Variants in NAV1 observed in about 807,000 individuals in gnomAD.
NAV1 encodes the protein pore membrane and/or filament interacting like protein 3.
NAV1 carries 18 observed loss-of-function variants against 175.2 expected under a neutral mutation model. The observed-to-expected ratio is 0.10, with a 90% CI of 0.07 to 0.15. The LOEUF (loss-of-function observed/expected upper bound fraction) is 0.15. Ranked by LOEUF, NAV1 falls within the 10% of genes least tolerant of loss-of-function variation. The probability of loss-of-function intolerance (pLI) is 1.00; values close to 1 mark genes in which losing one functional copy is unlikely to be tolerated. For missense variants in NAV1, 1,731 were observed against 2,436.6 expected (o/e 0.71, Z 6.10); for synonymous variants, 897 against 978.7 (o/e 0.92, Z 1.56).
At chr1:201,764,483 G>C (rs550716214) in intron 3 of NAV1, among the ~76,000 whole-genome samples, 1 of 152,146 alleles carries the variant, frequency 6.6e-6, no homozygotes, top group Non-Finnish European at 1.5e-5. Flanking sequence ...ATAAGGACAC[G>C]AGTCCTATCA....
At chr1:201,720,417 A>C (rs938718866) in intron 3 of NAV1, among the ~76,000 whole-genome samples, 2 of 152,170 alleles carry the variant, frequency 1.3e-5, no homozygotes, top group Admixed American at 1.3e-4. Context: ...AGATTGATGG[A>C]GGTGACGGGG....
chr1:201,824,894 C>T (rs568673514), exon 30 of NAV1: 5 of 152,252 alleles, frequency 3.3e-5, no homozygotes, highest in Admixed American at 1.3e-4. Flanking sequence ...CCCGGCAATC[C>T]ACGTTTTAAT....
Position 201,809,256 on chromosome 1 carries a change from A to C in NAV1, c.4300A>C (p.Lys1434Gln), listed in dbSNP as rs150314345. ...GAGGATGCCCCCGCAGCACATCATC[A>C]AAGGGGTAAGGAACTTCAGGGAGAG... Residue 1434 changes from lysine to glutamine, a missense_variant, in exon 21 of 30, where the codon AAA becomes CAA. Lys to Gln is a moderately conservative substitution (Grantham distance 53). Coordinates refer to ENST00000367296, the Ensembl canonical transcript of NAV1. The C allele has an allele frequency of 1.0e-4, 168 of 1,613,924 alleles. No homozygotes were observed. In the African/African-American group the frequency reaches 2.2e-3, roughly 21 times the overall value.
At chr1:201,696,349 T>A (rs1374395723) in intron 1 of NAV1, among the ~76,000 whole-genome samples, 2 of 152,210 alleles carry the variant, frequency 1.3e-5, no homozygotes, top group Non-Finnish European at 2.9e-5. Context: ...GCCATGGATC[T>A]TGGCAAGCAG....
chr1:201,549,181 T>C lies in NAV1; in HGVS notation c.-144+9839T>C, dbSNP rs148048495. The stretch of plus-strand genomic sequence containing the variant: ...CTCTCTTTCTTTCTTCCTTCTTTTC[T>C]TTCCTTCCTTCCTTCCTTCTTTCTT... On this transcript the variant is annotated intron_variant, in intron 1 of 33. Coordinates refer to the NAV1 transcript ENST00000685211. 9.1e-3 allele frequency among the ~76,000 whole-genome samples: 1,382 copies of C among 151,054 alleles called. 27 individuals carry two copies. Among genetic ancestry groups the C allele is most frequent in the African/African-American group, 0.032 (1,313 of 41,028 alleles).
chr1:201,792,699 T>C (rs1231824226), intron 13 of NAV1: 3 of 152,198 alleles, frequency 2.0e-5, no homozygotes, highest in Non-Finnish European at 4.4e-5. Context: ...AGGAAACTGC[T>C]CAGGTTGTGA....
At chr1:201,648,883 T>G in exon 1 of NAV1, 2 of 1,612,592 alleles carry the variant, frequency 1.2e-6, no homozygotes, top group Admixed American at 1.7e-5. Flanking sequence ...TCCGGCAGCG[T>G]GGACAGCCGT....
intron 1 of NAV1, among the ~76,000 whole-genome samples, chr1:201,704,819 C>T (rs192206704): frequency 2.0e-5 from 3 of 152,236 alleles, no homozygotes; most frequent in South Asian, 2.1e-4. Flanking sequence ...GGGCTTCAGC[C>T]AAGTACAAAA....
intron 1 of NAV1, among the ~76,000 whole-genome samples, chr1:201,568,929 A>AGGAAGGTCAGACTGGGAAGGTCAGACTG: frequency 6.6e-6 from 1 of 152,022 alleles, no homozygotes; most frequent in Non-Finnish European, 1.5e-5. Flanking sequence ...GGTCCTAGGG[A>AGGAAGGTCAGACTGGGAAGGTCAGACTG]GGAAGGTCAG....
intron 2 of NAV1, among the ~76,000 whole-genome samples, chr1:201,716,088 G>A (rs1006843550): frequency 6.6e-6 from 1 of 152,176 alleles, no homozygotes; most frequent in Admixed American, 6.5e-5. Context: ...GGGCAGGCCA[G>A]GAATAGAATT....
chr1:201,790,004 C>G (rs377268215), intron 11 of NAV1, among the ~76,000 whole-genome samples: 30 of 152,164 alleles, frequency 2.0e-4, no homozygotes, highest in Admixed American at 1.9e-3. Flanking sequence ...GGCCCCACCA[C>G]CAGCTCCTGA....
At chr1:201,757,560 T>G (rs1674590909) in intron 3 of NAV1, among the ~76,000 whole-genome samples, 1 of 152,226 alleles carries the variant, frequency 6.6e-6, no homozygotes, top group Admixed American at 6.5e-5. Context: ...GTTTCTATAT[T>G]TGATATTCTG....
rs188088480 is a variant in NAV1 at position 201,576,608 on chromosome 1, G to A, written c.-143-11931G>A. ...AATAATAAAGCTAATATATTCATTC[G>A]TGTAGAGGTTTTTGTGTGAACATAA... On this transcript the variant is annotated intron_variant, in intron 1 of 33. Transcript: ENST00000685211. 5.0e-3 allele frequency among the ~76,000 whole-genome samples: 760 copies of A among 152,208 alleles called. 3 individuals carry two copies. The highest frequency in any genetic ancestry group is 8.9e-3 in the Non-Finnish European group (603 of 68,014).
intron 1 of NAV1, among the ~76,000 whole-genome samples, chr1:201,561,289 G>A (rs930681946): frequency 1.3e-5 from 2 of 152,194 alleles, no homozygotes; most frequent in African/African-American, 4.8e-5. Context: ...TGAGAATGGT[G>A]ATTTGCAACA....
chr1:201,718,953 A>G lies in NAV1; in HGVS notation c.1226+198A>G, dbSNP rs544034540. ...TTTATTCTAGACTTGGGTGTGGTGT[A>G]GGCAGGGCCTACATCCAAGGAGCTG... On this transcript the variant is annotated intron_variant, in intron 3 of 29. Coordinates refer to ENST00000367296, the Ensembl canonical transcript of NAV1. The surrounding 1 kb of genome is among the most constrained non-coding windows in gnomAD (Gnocchi z 4.8). 1.3e-5 allele frequency among the ~76,000 whole-genome samples: 2 copies of G among 152,174 alleles called. No individual in the cohort carries two copies. The highest frequency in any genetic ancestry group is 1.9e-4 in the East Asian group (1 of 5,170).
intron 3 of NAV1, among the ~76,000 whole-genome samples, chr1:201,738,409 C>T (rs1034389102): frequency 1.3e-5 from 2 of 152,142 alleles, no homozygotes; most frequent in Non-Finnish European, 2.9e-5. Context: ...TTTCTGTCCT[C>T]TAAGAACTGT....
intron 2 of NAV1, among the ~76,000 whole-genome samples, chr1:201,602,173 G>A (rs1200303712): frequency 1.3e-5 from 2 of 152,172 alleles, no homozygotes; most frequent in South Asian, 2.1e-4. Flanking sequence ...CACTGTCAAG[G>A]CCACCTCCTA....
intron 2 of NAV1, among the ~76,000 whole-genome samples, chr1:201,713,864 G>A (rs1672018148): frequency 6.6e-6 from 1 of 152,192 alleles, no homozygotes; most frequent in Non-Finnish European, 1.5e-5. Flanking sequence ...CCAGGGTGTG[G>A]CCATTTGGGA....
At chr1:201,696,993 A>G (rs1671220015) in intron 1 of NAV1, among the ~76,000 whole-genome samples, 1 of 152,086 alleles carries the variant, frequency 6.6e-6, no homozygotes, top group South Asian at 2.1e-4. Flanking sequence ...TCTGATGCTC[A>G]CTAAACAAAA....
Sources: gnomAD v4.1 joint callset for allele counts (sites outside exome capture counted in the v4.1 genomes callset) on GRCh38, gnomAD v4.1.1 for gene constraint, Gnocchi (gnomAD v3.1) non-coding constraint, MANE v1.5 for transcripts, NCBI Gene and HGNC (gene_info 2026-07-23, HGNC 2026-07-21) for gene names.